Variants in EML6 observed in about 807,000 individuals in gnomAD.
The protein encoded by EML6 is echinoderm microtubule-associated protein-like 6.
Under a neutral mutation model 240.1 loss-of-function variants are expected in EML6, and 154 were observed. The ratio of observed to expected loss-of-function variants is 0.64; its 90% CI spans 0.56 to 0.73. EML6 has a LOEUF of 0.73. Ranked by LOEUF, EML6 falls within the 30% of genes least tolerant of loss-of-function variation. EML6 has a pLI of 0.00. For missense variants in EML6, 2,964 were observed against 2,474.6 expected, an observed-to-expected ratio of 1.20 and a Z score of -4.20; for synonymous variants, 1,148 against 899.0, an observed-to-expected ratio of 1.28 and a Z score of -4.95.
intron 25 of EML6, among the ~76,000 whole-genome samples, chr2:54,913,075 T>TG (rs950027641): frequency 2.6e-5 from 4 of 151,396 alleles, no homozygotes; most frequent in Admixed American, 6.6e-5. Context: ...GATTCTGTTT[T>TG]TTTTTTTTTT....
intron 21 of EML6, among the ~76,000 whole-genome samples, chr2:54,899,060 A>T (rs1173057841): frequency 6.6e-6 from 1 of 152,230 alleles, no homozygotes; most frequent in African/African-American, 2.4e-5. Flanking sequence ...GAACAGACGC[A>T]GAACCTGGGC....
At chr2:54,829,301 G>A (rs1013381848) in intron 6 of EML6, 41 bp from the exon 7 acceptor site, 46 of 1,534,720 alleles carry the variant, frequency 3.0e-5, no homozygotes, top group Middle Eastern at 1.7e-4. Flanking sequence ...ATTATACTTA[G>A]GATGGTTGCA....
Position 54,774,496 on chromosome 2 carries a change from A to C in EML6, c.198-38736A>C, listed in dbSNP as rs1049821267. ...CTACCAGCAACATATCCTTCATGGA[A>C]GGGGGTTCTGGATGGTTTTTAGCCT... is the stretch of plus-strand genomic sequence containing the variant. On this transcript the variant is annotated intron_variant, in intron 2 of 41. Coordinates refer to ENST00000356458, the MANE Select transcript of EML6 (RefSeq NM_001039753.4). The surrounding 1 kb of genome is among the most constrained non-coding windows in gnomAD (Gnocchi z 4.1). 2.0e-5 allele frequency among the ~76,000 whole-genome samples: 3 copies of C among 152,184 alleles called. No individual in the cohort carries two copies. Among genetic ancestry groups the C allele is most frequent in the Non-Finnish European group, 2.9e-5 (2 of 68,024 alleles).
At chr2:54,963,123 C>T (rs1486219086) in intron 36 of EML6, among the ~76,000 whole-genome samples, 1 of 8,734 alleles carries the variant, frequency 1.1e-4, no homozygotes, top group Non-Finnish European at 2.1e-4. Flanking sequence ...AGTGGCTGGG[C>T]GGAGCGGGGT....
rs1670224242 is a variant in EML6, at chr2:54,853,824, T to C, written c.1626T>C (p.Val542=). ...VLVSGDDFGL[V]KLFKFPCLKR... ...TGTCTGGAGATGATTTTGGACTGGTTAAATTGTTTAAATTTCCTTGTCTCA... is the reference window on the plus strand; with the variant it reads ...TGTCTGGAGATGATTTTGGACTGGTCAAATTGTTTAAATTTCCTTGTCTCA... Residue 542 remains valine (V), a synonymous_variant, in exon 11 of 42, where the codon GTT becomes GTC. Transcript: ENST00000356458. 3.2e-6 allele frequency: 5 copies of C among 1,551,228 alleles called. No homozygotes were observed. In the Admixed American group the frequency reaches 7.9e-5, roughly 24 times the overall value.
At chr2:54,885,435 G>A (rs1232262164) in intron 17 of EML6, among the ~76,000 whole-genome samples, 3 of 150,832 alleles carry the variant, frequency 2.0e-5, no homozygotes, top group South Asian at 2.1e-4. Context: ...CAACAAGAAC[G>A]AAACTCTGTC....
chr2:54,749,274 C>G (rs542661447), intron 2 of EML6, among the ~76,000 whole-genome samples: 2 of 152,112 alleles, frequency 1.3e-5, no homozygotes, highest in Admixed American at 6.5e-5. Context: ...TCTGTTTGGT[C>G]TCTTTCATGG....
At chr2:54,814,696 G>A (rs922212988) in intron 3 of EML6, among the ~76,000 whole-genome samples, 1 of 152,214 alleles carries the variant, frequency 6.6e-6, no homozygotes, top group Non-Finnish European at 1.5e-5. Flanking sequence ...TGGATTATAG[G>A]AGTTGACCTG....
intron 12 of EML6, among the ~76,000 whole-genome samples, chr2:54,862,630 C>G (rs1670741142): frequency 6.6e-6 from 1 of 151,926 alleles, no homozygotes; most frequent in Non-Finnish European, 1.5e-5. Context: ...AGAAAAATTC[C>G]CAAGCCTAGG....
At chr2:54,961,184 G>GTTGTTTTTTTTTTTGTTTTTT in intron 35 of EML6, among the ~76,000 whole-genome samples, 1 of 55,424 alleles carries the variant, frequency 1.8e-5, no homozygotes, top group Non-Finnish European at 3.2e-5. Context: ...TCAGGAAGTA[G>GTTGTTTTTTTTTTTGTTTTTT]TTTTTTTTTT....
intron 2 of EML6, among the ~76,000 whole-genome samples, chr2:54,749,315 C>T (rs1033075245): frequency 6.6e-6 from 1 of 152,036 alleles, no homozygotes; most frequent in Admixed American, 6.5e-5. Context: ...TGTGAAGACT[C>T]ACAGAAATAG....
intron 16 of EML6, among the ~76,000 whole-genome samples, chr2:54,878,060 A>C (rs1671602117): frequency 6.6e-6 from 1 of 152,226 alleles, no homozygotes; most frequent in Non-Finnish European, 1.5e-5. Flanking sequence ...CAGGTAAATA[A>C]TTTTTGTCAT....
chr2:54,966,558 C>A (rs1676755696), intron 38 of EML6, among the ~76,000 whole-genome samples: 1 of 152,234 alleles, frequency 6.6e-6, no homozygotes, highest in African/African-American at 2.4e-5. Flanking sequence ...ACCTGCCTTA[C>A]CTCTGTACCA....
chr2:54,779,776 G>A (rs1668765425), intron 2 of EML6, among the ~76,000 whole-genome samples: 1 of 149,448 alleles, frequency 6.7e-6, no homozygotes, highest in African/African-American at 2.5e-5. Context: ...GTGGGAGGAT[G>A]GCTTGAGCCT....
chr2:54,806,886 A>G (rs72917571), intron 2 of EML6, among the ~76,000 whole-genome samples: 1,609 of 152,252 alleles, frequency 0.011, 33 homozygotes, highest in African/African-American at 0.035. Flanking sequence ...AAGGTGATAT[A>G]TGAGAAACTG....
chr2:54,764,074 GT>G (rs1668085397), intron 2 of EML6, among the ~76,000 whole-genome samples: 1 of 152,178 alleles, frequency 6.6e-6, no homozygotes, highest in Non-Finnish European at 1.5e-5. Context: ...ATTTTATTTT[GT>G]TTAGGTTGGC....
intron 2 of EML6, among the ~76,000 whole-genome samples, chr2:54,801,305 ACT>A (rs201141259): frequency 0.011 from 1,631 of 148,836 alleles, 33 homozygotes; most frequent in African/African-American, 0.036. Context: ...ACAGAGCGAG[ACT>A]CTGTCTCAAA....
chr2:54,928,600 C>T (rs754392151), intron 27 of EML6, 25 bp from the exon 28 acceptor site: 1 of 1,551,962 alleles, frequency 6.4e-7, no homozygotes, highest in Non-Finnish European at 8.7e-7. Context: ...CCAACTGGCT[C>T]CCCAATCTCT....
intron 2 of EML6, among the ~76,000 whole-genome samples, chr2:54,760,544 G>A (rs148886275): frequency 3.0e-4 from 45 of 152,182 alleles, no homozygotes; most frequent in African/African-American, 1.1e-3. Flanking sequence ...TTTCAATATA[G>A]CCTAGAATTG....
Sources: gnomAD v4.1 joint callset for allele counts (sites outside exome capture counted in the v4.1 genomes callset) on GRCh38, gnomAD v4.1.1 for gene constraint, Gnocchi (gnomAD v3.1) non-coding constraint, MANE v1.5 for transcripts, NCBI Gene and HGNC (gene_info 2026-07-23, HGNC 2026-07-21) for gene names.